Variants in GULP1 observed in about 807,000 individuals in gnomAD.
GULP1 encodes the protein PTB domain-containing engulfment adapter protein 1.
GULP1 carries 19 observed loss-of-function variants against 40.9 expected under a neutral mutation model. The ratio of observed to expected loss-of-function variants is 0.46; its 90% CI spans 0.32 to 0.68. GULP1 has a LOEUF of 0.68. GULP1 is among the 30% of genes least tolerant of loss of function. The pLI is 0.03. For missense variants in GULP1, 312 were observed against 362.2 expected (o/e 0.86, Z 1.12); for synonymous variants, 119 against 117.6 (o/e 1.01, Z -0.08).
At chr2:188,404,311 A>G (rs1403439562) in intron 2 of GULP1, among the ~76,000 whole-genome samples, 2 of 152,186 alleles carry the variant, frequency 1.3e-5, no homozygotes, top group Admixed American at 1.3e-4. Context: ...CCTTCAGAAG[A>G]GCTAAGGAAA....
intron 1 of GULP1, among the ~76,000 whole-genome samples, chr2:188,363,005 A>T (rs752329001): frequency 6.2e-4 from 94 of 152,140 alleles, no homozygotes; most frequent in Non-Finnish European, 1.2e-3. Flanking sequence ...AAAGAAAGGT[A>T]GATGAAGTAG....
intron 4 of GULP1, among the ~76,000 whole-genome samples, chr2:188,496,301 C>T (rs913092528): frequency 6.6e-6 from 1 of 151,906 alleles, no homozygotes; most frequent in Non-Finnish European, 1.5e-5. Flanking sequence ...CATTTATTTC[C>T]AAGAAATGCC....
chr2:188,470,569 G>A (rs997895519), intron 2 of GULP1, among the ~76,000 whole-genome samples: 1 of 151,948 alleles, frequency 6.6e-6, no homozygotes, highest in Non-Finnish European at 1.5e-5. Context: ...TTCCCTCTTA[G>A]TACTGCTTTG....
chr2:188,332,007 G>A (rs1484582373), intron 1 of GULP1, among the ~76,000 whole-genome samples: 1 of 152,086 alleles, frequency 6.6e-6, no homozygotes, highest in Non-Finnish European at 1.5e-5. Context: ...TTGCAAGGAT[G>A]ACAGAGATGT....
At chr2:188,532,184 A>G (rs1381405020) in intron 6 of GULP1, among the ~76,000 whole-genome samples, 1 of 152,252 alleles carries the variant, frequency 6.6e-6, no homozygotes, top group Non-Finnish European at 1.5e-5. Context: ...TAATTTCACT[A>G]CGTTCATATA....
chr2:188,449,030 C>A (rs575389125), intron 2 of GULP1, among the ~76,000 whole-genome samples: 1 of 152,208 alleles, frequency 6.6e-6, no homozygotes, highest in East Asian at 1.9e-4. Context: ...TTATTAAGTA[C>A]CCAGTTTCAG....
intron 1 of GULP1, among the ~76,000 whole-genome samples, chr2:188,349,235 GAC>G (rs2044120742): frequency 6.6e-6 from 1 of 152,070 alleles, no homozygotes; most frequent in South Asian, 2.1e-4. Context: ...GTTTTTTATG[GAC>G]ACAGTTTCTC....
intron 9 of GULP1, among the ~76,000 whole-genome samples, chr2:188,577,909 A>G (rs1471804968): frequency 6.6e-6 from 1 of 151,726 alleles, no homozygotes; most frequent in Admixed American, 6.6e-5. Flanking sequence ...TTATGCTACC[A>G]TTTTCTTTCT....
intron 2 of GULP1, among the ~76,000 whole-genome samples, chr2:188,428,895 T>TA (rs1406683433): frequency 6.6e-6 from 1 of 152,112 alleles, no homozygotes; most frequent in African/African-American, 2.4e-5. Flanking sequence ...GTTTTTTTTT[T>TA]AATTTACTCT....
rs2153434050 is a variant in GULP1 at position 188,570,966 on chromosome 2, T to C, written c.609+846T>C. Among the ~76,000 whole-genome samples the C allele has an allele frequency of 1.3e-5, 2 of 152,150 alleles. 1 individual carries two copies. The highest frequency in any genetic ancestry group is 4.1e-4 in the South Asian group (2 of 4,828). Reference sequence around the variant, plus strand: ...TGAGCCCAGGGGTTCAAGACCAGTCTGGCAACATGGTGAAACCTTGTCTCT... The same window carrying C: ...TGAGCCCAGGGGTTCAAGACCAGTCCGGCAACATGGTGAAACCTTGTCTCT... On this transcript the variant is annotated intron_variant, in intron 9 of 11. Transcript: ENST00000409830.
intron 1 of GULP1, among the ~76,000 whole-genome samples, chr2:188,310,684 A>G (rs1483427417): frequency 6.6e-6 from 1 of 152,172 alleles, no homozygotes; most frequent in Non-Finnish European, 1.5e-5. Flanking sequence ...GATGGATTTG[A>G]GAGTCCTCAG....
At chr2:188,321,567 T>TATTACTG (rs1265101391) in intron 1 of GULP1, among the ~76,000 whole-genome samples, 1 of 152,322 alleles carries the variant, frequency 6.6e-6, no homozygotes, top group East Asian at 1.9e-4. Context: ...GATTTTATTG[T>TATTACTG]ATTACTGGCA....
chr2:188,375,192 C>T (rs141578301), intron 1 of GULP1, among the ~76,000 whole-genome samples: 108 of 152,074 alleles, frequency 7.1e-4, no homozygotes, highest in Non-Finnish European at 1.3e-3. Flanking sequence ...CAGATTTTAC[C>T]GAGCAGTGTA....
intron 9 of GULP1, among the ~76,000 whole-genome samples, chr2:188,581,983 C>G (rs1402486624): frequency 6.6e-6 from 1 of 152,134 alleles, no homozygotes; most frequent in African/African-American, 2.4e-5. Context: ...TCTCTCATTA[C>G]TATCCTTCCT....
intron 1 of GULP1, among the ~76,000 whole-genome samples, chr2:188,296,125 A>C (rs533712070): frequency 2.0e-5 from 3 of 152,100 alleles, no homozygotes; most frequent in Non-Finnish European, 4.4e-5. Context: ...AGGCTGGTGG[A>C]TCTAATATTG....
chr2:188,410,574 C>T (rs941499913), intron 2 of GULP1, among the ~76,000 whole-genome samples: 2 of 151,976 alleles, frequency 1.3e-5, no homozygotes, highest in African/African-American at 4.8e-5. Context: ...TACAGATGAC[C>T]AACAGGTATA....
intron 4 of GULP1, among the ~76,000 whole-genome samples, chr2:188,498,576 T>C (rs1022713000): frequency 2.4e-4 from 36 of 152,048 alleles, no homozygotes; most frequent in African/African-American, 7.9e-4. Flanking sequence ...TGTGCACTTA[T>C]GTTAGAACAA....
intron 1 of GULP1, among the ~76,000 whole-genome samples, chr2:188,304,373 C>T (rs1384584905): frequency 6.6e-6 from 1 of 152,060 alleles, no homozygotes; most frequent in African/African-American, 2.4e-5. Context: ...ATGGATTTTT[C>T]GAACCAGAGA....
intron 1 of GULP1, among the ~76,000 whole-genome samples, chr2:188,353,761 G>A (rs2044843384): frequency 6.6e-6 from 1 of 151,662 alleles, no homozygotes; most frequent in Non-Finnish European, 1.5e-5. Flanking sequence ...TAGTACCCAA[G>A]CTGAAGAGGT....
Sources: gnomAD v4.1 joint callset for allele counts (sites outside exome capture counted in the v4.1 genomes callset) on GRCh38, gnomAD v4.1.1 for gene constraint, MANE v1.5 for transcripts, NCBI Gene and HGNC (gene_info 2026-07-23, HGNC 2026-07-21) for gene names.